The following SNAP29 variants were observed in gnomAD, a reference collection of about 807,000 sequenced individuals.
SNAP29 encodes synaptosome associated protein 29, also known as synaptosomal-associated protein 29.
In SNAP29, 13 loss-of-function variants were observed where a neutral mutation model predicts 27.9. That is an observed-to-expected ratio of 0.47 (90% CI 0.30 to 0.74). The LOEUF (loss-of-function observed/expected upper bound fraction) is 0.74. Among genes scored for constraint, SNAP29 ranks in the 30% least tolerant of loss-of-function variants. The pLI, the probability that SNAP29 is intolerant of heterozygous loss-of-function variation, is 0.06. For synonymous variants in SNAP29, 119 were observed against 127.1 expected (o/e 0.94, Z 0.43); for missense variants, 368 against 336.5 (o/e 1.09, Z -0.73).
chr22:20,877,803 C>A (rs1056007817), intron 2 of SNAP29, among the ~76,000 whole-genome samples: 3 of 152,146 alleles, frequency 2.0e-5, no homozygotes, highest in African/African-American at 4.8e-5. Flanking sequence ...TATGTATTAC[C>A]AGTATATATG....
intron 1 of SNAP29, among the ~76,000 whole-genome samples, chr22:20,861,056 G>A (rs2147858666): frequency 6.6e-6 from 1 of 151,840 alleles, no homozygotes; most frequent in Non-Finnish European, 1.5e-5. Flanking sequence ...CTGTTTTCTT[G>A]GGTTAATTCC....
At chr22:20,887,559 G>A in intron 4 of SNAP29, 120 bp from the exon 5 acceptor site, 1 of 1,015,012 alleles carries the variant, frequency 9.9e-7, no homozygotes, top group Non-Finnish European at 1.6e-6. Context: ...CTCTGCAGTG[G>A]GTGCAGTCCC....
chr22:20,883,419 A>C (rs1928934259), intron 3 of SNAP29, 52 bp from the exon 4 acceptor site: 6 of 1,170,810 alleles, frequency 5.1e-6, no homozygotes, highest in Non-Finnish European at 6.4e-6. Flanking sequence ...GTGAAGCAGC[A>C]TTTGAAGGAA....
In SNAP29 at chr22:20,890,036, C is replaced by T. The variant is rs755372395; in HGVS notation, c.*2200C>T. 1.6e-5 allele frequency: 6 copies of T among 381,966 alleles called. No individual in the cohort carries two copies. The Admixed American group carries it at 2.7e-4, about 17-fold the overall frequency. The allele number at this position is 381,966 out of a possible 1,614,324, so 23.7% of individuals were successfully genotyped here. A position where few individuals can be genotyped will look rare whatever the true frequency, so the allele number is the denominator to read the frequency against. On this transcript the variant is annotated 3_prime_UTR_variant, in exon 5 of 5. Transcript: ENST00000215730. ...CTTCGTCTGACATATTAGAGGGCCTCGTTTTGTCCTGTTCTTGTTCAGACC... is the reference window on the plus strand; with the variant it reads ...CTTCGTCTGACATATTAGAGGGCCTTGTTTTGTCCTGTTCTTGTTCAGACC...
intron 1 of SNAP29, among the ~76,000 whole-genome samples, chr22:20,863,620 C>T (rs906575197): frequency 1.3e-5 from 2 of 152,082 alleles, no homozygotes; most frequent in African/African-American, 2.4e-5. Flanking sequence ...TACAGGGAGA[C>T]TTGTAAGCCA....
In SNAP29 at chr22:20,873,879, A is replaced by C. The variant is rs187735556; in HGVS notation, c.434+3346A>C. On this transcript the variant is annotated intron_variant, in intron 2 of 4. Coordinates refer to ENST00000215730, the MANE Select transcript of SNAP29 (RefSeq NM_004782.4). ...GCTACTTGGGAGGCTGAGGAGGAGA[A>C]TCCCTTAAGCCTGGGAGGCAGAGGT... Among the ~76,000 whole-genome samples the C allele has an allele frequency of 4.5e-4, 67 of 147,562 alleles. No individual in the cohort carries two copies. In the East Asian group the frequency reaches 0.011, roughly 25 times the overall value.
At chr22:20,880,013 AAAC>A (rs361532) in intron 2 of SNAP29, among the ~76,000 whole-genome samples, 2 of 149,910 alleles carry the variant, frequency 1.3e-5, no homozygotes, top group South Asian at 4.2e-4. Flanking sequence ...ACCCTATCTC[AAAC>A]AACAACAACA....
At chr22:20,863,887 T>C (rs1328933658) in intron 1 of SNAP29, among the ~76,000 whole-genome samples, 1 of 152,148 alleles carries the variant, frequency 6.6e-6, no homozygotes, top group African/African-American at 2.4e-5. Context: ...GTATACATTC[T>C]GGTCTGCATG....
At chr22:20,866,880 A>G (rs895451400) in intron 1 of SNAP29, among the ~76,000 whole-genome samples, 1 of 152,092 alleles carries the variant, frequency 6.6e-6, no homozygotes, top group African/African-American at 2.4e-5. Context: ...CTTAAGCTAA[A>G]CAAAGAGTCT....
chr22:20,863,888 G>GT (rs1569114880), intron 1 of SNAP29, among the ~76,000 whole-genome samples: 1 of 151,774 alleles, frequency 6.6e-6, no homozygotes, highest in East Asian at 1.9e-4. Context: ...TATACATTCT[G>GT]GTCTGCATGT....
intron 2 of SNAP29, among the ~76,000 whole-genome samples, chr22:20,880,516 AAAAAGAACGGGG>A (rs1478933731): frequency 1.3e-5 from 2 of 151,988 alleles, no homozygotes; most frequent in African/African-American, 4.8e-5. Context: ...AAAAAAAAAA[AAAAAGAACGGGG>A]AAACAGTACA....
intron 1 of SNAP29, among the ~76,000 whole-genome samples, chr22:20,866,948 A>G (rs1928474003): frequency 1.3e-5 from 2 of 152,088 alleles, no homozygotes. Context: ...CAGTAGCTTT[A>G]GTTTCTGCCT....
At chr22:20,880,679 C>T (rs1307215327) in intron 2 of SNAP29, among the ~76,000 whole-genome samples, 2 of 151,986 alleles carry the variant, frequency 1.3e-5, no homozygotes. Flanking sequence ...CCACCTAACT[C>T]GATGCTACAC....
Position 20,859,228 on chromosome 22 carries a change from G to T in SNAP29, c.118G>T (p.Asp40Tyr), listed in dbSNP as rs775445020. 9.3e-6 allele frequency: 15 copies of T among 1,606,094 alleles called. No homozygotes were observed. In the South Asian group the frequency reaches 1.7e-4, roughly 18 times the overall value. Residue 40 changes from aspartate (D) to tyrosine (Y), a missense_variant, in exon 1 of 5, where the codon GAC becomes TAC. Coordinates refer to ENST00000215730, the MANE Select transcript of SNAP29 (RefSeq NM_004782.4). Reference sequence around the variant, plus strand: ...CCCCGACGGGCCCGACGCGCCCGCGGACAGGCAGCAGTACTTGCGGCAGGA... The same window carrying T: ...CCCCGACGGGCCCGACGCGCCCGCGTACAGGCAGCAGTACTTGCGGCAGGA... ...DLPDGPDAPADRQQYLRQEVL... is the reference protein window; with the variant it reads ...DLPDGPDAPAYRQQYLRQEVL...
Position 20,890,048 on chromosome 22 carries a change from T to C in SNAP29, c.*2212T>C. The C allele has an allele frequency of 2.6e-6, 1 of 388,348 alleles. No individual in the cohort carries two copies. The highest frequency in any genetic ancestry group is 4.5e-6 in the Non-Finnish European group (1 of 220,222). The allele number at this position is 388,348 out of a possible 1,614,324, so 24.1% of individuals were successfully genotyped here. The stretch of plus-strand genomic sequence containing the variant: ...TATTAGAGGGCCTCGTTTTGTCCTG[T>C]TCTTGTTCAGACCCTCTCGTTCTAC... On this transcript the variant is annotated 3_prime_UTR_variant, in exon 5 of 5. Coordinates refer to ENST00000215730, the MANE Select transcript of SNAP29 (RefSeq NM_004782.4).
chr22:20,876,912 G>A (rs896344155), intron 2 of SNAP29, among the ~76,000 whole-genome samples: 3 of 151,950 alleles, frequency 2.0e-5, no homozygotes, highest in East Asian at 1.9e-4. Context: ...CAAACCCTTC[G>A]GCCTTCTCTG....
chr22:20,867,070 T>C (rs1928477443), intron 1 of SNAP29, among the ~76,000 whole-genome samples: 1 of 152,252 alleles, frequency 6.6e-6, no homozygotes, highest in African/African-American at 2.4e-5. Flanking sequence ...TCACTCATCT[T>C]GCTCTCTGTT....
At chr22:20,885,719 T>TA (rs1183843016) in intron 4 of SNAP29, among the ~76,000 whole-genome samples, 2 of 152,188 alleles carry the variant, frequency 1.3e-5, no homozygotes, top group Non-Finnish European at 2.9e-5. Flanking sequence ...GCTGGGCAGT[T>TA]ACCGGCAGGA....
At chr22:20,885,625 T>A (rs1204110579) in intron 4 of SNAP29, among the ~76,000 whole-genome samples, 1 of 152,290 alleles carries the variant, frequency 6.6e-6, no homozygotes, top group Admixed American at 6.5e-5. Context: ...GGAAGGATAC[T>A]GCATTCAGAG....
Sources: allele counts gnomAD v4.1 joint callset (sites outside exome capture counted in the v4.1 genomes callset), GRCh38; gene constraint gnomAD v4.1.1; transcripts MANE v1.5; gene names NCBI Gene and HGNC (gene_info 2026-07-23, HGNC 2026-07-21).